GLRB: variants seen among roughly 807,000 people sequenced by gnomAD.
GLRB encodes the protein glycine receptor subunit beta.
A neutral mutation model predicts 54.2 loss-of-function variants in GLRB; 33 were observed. That is an observed-to-expected ratio of 0.61 (90% confidence interval 0.46 to 0.81). The LOEUF is 0.81. Among genes scored for constraint, GLRB ranks in the 40% least tolerant of loss-of-function variants. The probability of loss-of-function intolerance (pLI) is 0.00; values close to 1 mark genes in which losing one functional copy is unlikely to be tolerated. For synonymous variants in GLRB, 209 were observed against 208.2 expected (o/e 1.00, Z -0.03); for missense variants, 572 against 584.6 (o/e 0.98, Z 0.22).
At chr4:157,123,424 T>G (rs994716719) in intron 4 of GLRB, among the ~76,000 whole-genome samples, 2 of 151,774 alleles carry the variant, frequency 1.3e-5, no homozygotes, top group Non-Finnish European at 2.9e-5. Context: ...GACACCTATT[T>G]TTAAATTTTA....
chr4:157,144,038 G>T (rs1278151633), intron 8 of GLRB, 79 bp downstream of exon 8: 1 of 1,378,810 alleles, frequency 7.3e-7, no homozygotes. Context: ...CAACTACTTT[G>T]AAACAATGAG....
intron 4 of GLRB, among the ~76,000 whole-genome samples, chr4:157,124,568 A>C (rs1197212036): frequency 6.6e-6 from 1 of 151,870 alleles, no homozygotes; most frequent in Non-Finnish European, 1.5e-5. Context: ...TAAATGAACA[A>C]ATAAAATTGC....
chr4:157,153,312 C>A (rs1308723954), intron 9 of GLRB, among the ~76,000 whole-genome samples: 1 of 152,106 alleles, frequency 6.6e-6, no homozygotes, highest in Non-Finnish European at 1.5e-5. Flanking sequence ...AATTTGGAGA[C>A]CTTGCTGGAT....
At chr4:157,121,458 T>A (rs1230687669) in intron 3 of GLRB, among the ~76,000 whole-genome samples, 7 of 124,348 alleles carry the variant, frequency 5.6e-5, no homozygotes, top group Admixed American at 5.3e-4. Context: ...AAGGCTTGAT[T>A]TTTTTTTTTT....
chr4:157,118,287 TAATC>T (rs1735679902), intron 2 of GLRB, among the ~76,000 whole-genome samples: 2 of 151,838 alleles, frequency 1.3e-5, no homozygotes, highest in Admixed American at 6.6e-5. Context: ...GTGTATTTTG[TAATC>T]AATCAATTCT....
chr4:157,113,331 A>G lies in GLRB; in HGVS notation c.123-7225A>G, dbSNP rs200393006. Reference sequence around the variant, plus strand: ...TGTAGAGTATGGAAAGTAATGGCACAGTAAACATTGTGTTTGGATTGAGGT... The same window carrying G: ...TGTAGAGTATGGAAAGTAATGGCACGGTAAACATTGTGTTTGGATTGAGGT... On this transcript the variant is annotated intron_variant, in intron 2 of 9. Transcript: ENST00000264428. Among the ~76,000 whole-genome samples, 3 of 152,094 alleles carry G rather than the reference A, an allele frequency of 2.0e-5. No individual in the cohort carries two copies. In the East Asian group the frequency reaches 5.8e-4, roughly 30 times the overall value.
Position 157,170,783 on chromosome 4 carries a change from T to G in GLRB, c.*55T>G. On this transcript the variant is annotated 3_prime_UTR_variant, in exon 10 of 10. Transcript: ENST00000264428. Reference sequence around the variant, plus strand: ...TTCCATTTCATTGTGACCTACTCCTTTCATAAATGCCAATCTGTGAGAACT... The same window carrying G: ...TTCCATTTCATTGTGACCTACTCCTGTCATAAATGCCAATCTGTGAGAACT... 2.0e-6 allele frequency: 2 copies of G among 981,292 alleles called. No individual in the cohort carries two copies. The highest frequency in any genetic ancestry group is 2.9e-6 in the Non-Finnish European group (2 of 678,420). The allele number at this position is 981,292 out of a possible 1,614,324, so 60.8% of individuals were successfully genotyped here.
At chr4:157,093,820 AAT>A (rs1223099936) in intron 2 of GLRB, among the ~76,000 whole-genome samples, 1 of 152,026 alleles carries the variant, frequency 6.6e-6, no homozygotes, top group Non-Finnish European at 1.5e-5. Context: ...GATAAAAAGC[AAT>A]AGAGTAGTTC....
intron 2 of GLRB, among the ~76,000 whole-genome samples, chr4:157,089,439 A>G (rs1734529898): frequency 6.6e-6 from 1 of 152,252 alleles, no homozygotes; most frequent in African/African-American, 2.4e-5. Flanking sequence ...GAATTTTATT[A>G]TTTTAAAACA....
At chr4:157,153,347 C>T (rs57946231) in intron 9 of GLRB, among the ~76,000 whole-genome samples, 2 of 152,284 alleles carry the variant, frequency 1.3e-5, no homozygotes, top group East Asian at 1.9e-4. Context: ...CCTATTGTTT[C>T]TCATTCAATG....
intron 9 of GLRB, among the ~76,000 whole-genome samples, chr4:157,154,423 C>CTTTTTTTTTTTTTTT (rs778002566): frequency 2.9e-5 from 3 of 103,460 alleles, no homozygotes; most frequent in Admixed American, 1.0e-4. Context: ...CTTCTTTTTC[C>CTTTTTTTTTTTTTTT]TTTTTTTTTT....
chr4:157,150,966 T>C (rs1301650721), intron 8 of GLRB, among the ~76,000 whole-genome samples: 1 of 152,098 alleles, frequency 6.6e-6, no homozygotes, highest in Admixed American at 6.6e-5. Flanking sequence ...GTAATTTCTC[T>C]TTCCTTAATT....
At chr4:157,080,269 T>G (rs1221572345) in intron 2 of GLRB, among the ~76,000 whole-genome samples, 1 of 152,172 alleles carries the variant, frequency 6.6e-6, no homozygotes, top group Non-Finnish European at 1.5e-5. Context: ...TAAGCCCACA[T>G]CTCAATATTT....
At chr4:157,147,351 G>C (rs961540124) in intron 8 of GLRB, among the ~76,000 whole-genome samples, 5 of 152,102 alleles carry the variant, frequency 3.3e-5, no homozygotes, top group Non-Finnish European at 7.4e-5. Flanking sequence ...ATGACTTTTA[G>C]AGCTAAAGAT....
At chr4:157,133,561 G>A (rs924812761) in intron 4 of GLRB, among the ~76,000 whole-genome samples, 1 of 151,750 alleles carries the variant, frequency 6.6e-6, no homozygotes, top group African/African-American at 2.4e-5. Flanking sequence ...TAAAAGCAAG[G>A]GGAGCTCACA....
Position 157,116,209 on chromosome 4 carries a change from G to T in GLRB, c.123-4347G>T, listed in dbSNP as rs572259140. Among the ~76,000 whole-genome samples the T allele has an allele frequency of 2.0e-5, 3 of 151,838 alleles. No homozygotes were observed. The South Asian group carries it at 6.2e-4, about 32-fold the overall frequency. On this transcript the variant is annotated intron_variant, in intron 2 of 9. Transcript: ENST00000264428. ...ACTTTACATATTAGTAATGACATTG[G>T]TTCAAGTTTAGGCAAGTGAACAAAA...
chr4:157,119,859 T>A (rs1167466841), intron 2 of GLRB, among the ~76,000 whole-genome samples: 1 of 151,632 alleles, frequency 6.6e-6, no homozygotes, highest in Non-Finnish European at 1.5e-5. Flanking sequence ...GAAATGCCAT[T>A]TGACCCAGCC....
At chr4:157,118,835 T>C (rs1330247195) in intron 2 of GLRB, among the ~76,000 whole-genome samples, 1 of 151,624 alleles carries the variant, frequency 6.6e-6, no homozygotes, top group African/African-American at 2.4e-5. Flanking sequence ...TAATATAATT[T>C]ATGAAACTGA....
chr4:157,120,855 A>G, intron 3 of GLRB, among the ~76,000 whole-genome samples, 193 bp downstream of exon 3: 1 of 151,732 alleles, frequency 6.6e-6, no homozygotes, highest in East Asian at 1.9e-4. Context: ...GTAAAATATG[A>G]ATTCTAATTG....
Sources: allele counts gnomAD v4.1 joint callset (sites outside exome capture counted in the v4.1 genomes callset), GRCh38; gene constraint gnomAD v4.1.1; transcripts MANE v1.5; gene names NCBI Gene and HGNC (gene_info 2026-07-23, HGNC 2026-07-21).